CPAMD8: variants seen among roughly 807,000 people sequenced by gnomAD.
CPAMD8 encodes C3 and PZP-like alpha-2-macroglobulin domain-containing protein 8.
CPAMD8 carries 146 observed loss-of-function variants against 224.7 expected under a neutral mutation model. The ratio of observed to expected loss-of-function variants is 0.65; its 90% CI spans 0.57 to 0.75. The LOEUF is 0.75. Among genes scored for constraint, CPAMD8 ranks in the 30% least tolerant of loss-of-function variants. The pLI is 0.00. For missense variants in CPAMD8, 2,301 were observed against 2,537.5 expected, an observed-to-expected ratio of 0.91 and a Z score of 2.00; for synonymous variants, 966 against 1,044.6, an observed-to-expected ratio of 0.92 and a Z score of 1.45.
intron 30 of CPAMD8, among the ~76,000 whole-genome samples, chr19:16,906,370 CTTTCTTT>C (rs1467735269): frequency 1.5e-4 from 14 of 90,764 alleles, no homozygotes; most frequent in African/African-American, 6.6e-4. Flanking sequence ...TTCTTTCTTT[CTTTCTTT>C]CTTTCTTTCT....
At chr19:16,897,822 G>T in intron 38 of CPAMD8, 21 bp from the exon 39 acceptor site, 2 of 1,573,492 alleles carry the variant, frequency 1.3e-6, no homozygotes, top group Non-Finnish European at 1.7e-6. Flanking sequence ...AGGGTGGCGG[G>T]TGACCAAGTG....
intron 6 of CPAMD8, among the ~76,000 whole-genome samples, chr19:17,009,010 C>T (rs1392933064): frequency 6.6e-6 from 1 of 151,840 alleles, no homozygotes; most frequent in Non-Finnish European, 1.5e-5. Context: ...GAAGGAGAAT[C>T]GCTTGAACCC....
chr19:17,000,790 T>C (rs1455819057), intron 9 of CPAMD8, among the ~76,000 whole-genome samples: 1 of 152,162 alleles, frequency 6.6e-6, no homozygotes, highest in African/African-American at 2.4e-5. Context: ...CTGAGAAGGC[T>C]AGGTTGGTGC....
In CPAMD8 at chr19:16,980,421, C is replaced by T. The variant is rs1599838724; in HGVS notation, c.1585+76G>A. The T allele has an allele frequency of 6.9e-6, 10 of 1,445,840 alleles. No individual in the cohort carries two copies. The South Asian group carries it at 1.0e-4, about 14-fold the overall frequency. The allele number at this position is 1,445,840 out of a possible 1,614,324, so 89.6% of individuals were successfully genotyped here. A position where few individuals can be genotyped will look rare whatever the true frequency, so the allele number is the denominator to read the frequency against. On this transcript the variant is annotated intron_variant, in intron 14 of 41. Transcript: ENST00000443236. ...CTCTGCTGGGTCTTGCCTTGTCCCT[C>T]CTTGCAGGAGCACCCATCTCAGTCT...
At chr19:16,979,380 G>GTCCATTCA (rs1169912305) in intron 14 of CPAMD8, among the ~76,000 whole-genome samples, 2 of 78,670 alleles carry the variant, frequency 2.5e-5, no homozygotes, top group Non-Finnish European at 4.7e-5. Flanking sequence ...CCATCCATCT[G>GTCCATTCA]TCCATTCATC....
At position 16,903,848 on chromosome 19, in the gene CPAMD8, C is replaced by T. The variant is rs151104169; in HGVS notation, c.4261G>A (p.Val1421Met). The T allele has an allele frequency of 1.0e-4, 165 of 1,613,540 alleles. 2 individuals are homozygous for T. In the East Asian group the frequency reaches 2.0e-3, roughly 20 times the overall value. The change falls in exon 33 of 42, where the codon GTG (valine) becomes ATG (methionine). Residue 1421 changes from valine (V) to methionine (M), a missense_variant. Physicochemically the swap from Val to Met is conservative, Grantham distance 21. Coordinates refer to ENST00000443236, the MANE Select transcript of CPAMD8 (RefSeq NM_015692.5). The stretch of plus-strand genomic sequence containing the variant: ...TATTCAGCCAAGGCCTGCAGAGCCA[C>T]GCAGGTGTCCTGGGGATGGAGGAGG... Reference protein sequence around the residue: ...GGFSSTQDTCVALQALAEYAI... With the variant: ...GGFSSTQDTCMALQALAEYAI...
intron 21 of CPAMD8, among the ~76,000 whole-genome samples, chr19:16,946,656 G>A (rs1306147554): frequency 6.8e-6 from 1 of 147,498 alleles, no homozygotes; most frequent in Non-Finnish European, 1.5e-5. Flanking sequence ...ACATGTGTGT[G>A]GATTTGTGTG....
Position 16,907,112 on chromosome 19 carries a change from C to T in CPAMD8, c.3867G>A (p.Glu1289=), listed in dbSNP as rs2052549774. The T allele has an allele frequency of 6.4e-7, 1 of 1,557,558 alleles. No individual in the cohort carries two copies. The highest frequency in any genetic ancestry group is 1.4e-5 in the African/African-American group (1 of 73,672). ...GCCTCGCTTTGTCAGTGGAGCCTCT[C>T]TCCTCCTGCAGGGTGGGGTGGGAAG... ...LLETGTASEE[E]RGSTDKARHF... The change falls in exon 30 of 42, where the codon GAG becomes GAA. Residue 1289 remains glutamate (E), a synonymous_variant. Transcript: ENST00000443236.
intron 23 of CPAMD8, among the ~76,000 whole-genome samples, chr19:16,934,800 G>A (rs558916095): frequency 6.6e-6 from 1 of 152,136 alleles, no homozygotes; most frequent in South Asian, 2.1e-4. Context: ...TTTAATTGTG[G>A]TAAAATATAT....
At position 16,949,022 on chromosome 19, in the gene CPAMD8, AAAG is replaced by A. The variant is rs1304288090; in HGVS notation, c.2509-1798_2509-1796del. Among the ~76,000 whole-genome samples, 4 of 139,298 alleles carry A rather than the reference AAAG, an allele frequency of 2.9e-5. No individual in the cohort carries two copies. The South Asian group carries it at 8.1e-4, about 28-fold the overall frequency. 91.4% of individuals were successfully genotyped at this position (139,298 alleles called of 152,430 possible). On this transcript the variant is annotated intron_variant, in intron 20 of 41. Transcript: ENST00000443236. ...AGAGAGAAAAGAAAAGAAAGAAAGA[AAAG>A]AAAGAAAGAAGGAAGGAAGGACGGG...
At chr19:16,924,887 CTCTTT>C (rs1326265650) in intron 26 of CPAMD8, among the ~76,000 whole-genome samples, 1 of 151,372 alleles carries the variant, frequency 6.6e-6, no homozygotes, top group African/African-American at 2.5e-5. Context: ...GCCTGGCCTT[CTCTTT>C]TATTTTCTAA....
intron 30 of CPAMD8, among the ~76,000 whole-genome samples, chr19:16,905,719 GA>G (rs2052451863): frequency 6.6e-6 from 1 of 152,178 alleles, no homozygotes; most frequent in East Asian, 1.9e-4. Context: ...CGGAAGCAAT[GA>G]AAACAATTCT....
intron 10 of CPAMD8, among the ~76,000 whole-genome samples, chr19:16,997,800 C>A (rs1599874285): frequency 6.6e-6 from 1 of 151,858 alleles, no homozygotes. Flanking sequence ...TGAGGTGAGC[C>A]TGAATTGTGC....
intron 18 of CPAMD8, among the ~76,000 whole-genome samples, chr19:16,960,309 A>G (rs2054610480): frequency 6.6e-6 from 1 of 152,204 alleles, no homozygotes; most frequent in African/African-American, 2.4e-5. Context: ...CCCCGGAAAC[A>G]CCCGCAGACG....
At chr19:16,937,063 G>T (rs111350233) in intron 23 of CPAMD8, among the ~76,000 whole-genome samples, 13 of 132,156 alleles carry the variant, frequency 9.8e-5, no homozygotes, top group African/African-American at 2.3e-4. Flanking sequence ...CTTCCCTCCT[G>T]CCTTCCTTCC....
chr19:16,996,045 G>A (rs2056113008), intron 11 of CPAMD8, among the ~76,000 whole-genome samples: 1 of 152,164 alleles, frequency 6.6e-6, no homozygotes, highest in African/African-American at 2.4e-5. Context: ...AGCTACTCTG[G>A]AGGCTGAGGC....
intron 7 of CPAMD8, 86 bp downstream of exon 7, chr19:17,008,419 G>A (rs2056551668): frequency 6.6e-7 from 1 of 1,505,018 alleles, no homozygotes; most frequent in South Asian, 1.2e-5. Flanking sequence ...GGGTACATTA[G>A]CGGTGGGCCC....
chr19:16,926,164 G>T (rs1167883474), intron 25 of CPAMD8, among the ~76,000 whole-genome samples: 2 of 151,790 alleles, frequency 1.3e-5, no homozygotes, highest in African/African-American at 4.8e-5. Context: ...GCATTTTTCA[G>T]TTTTCTCTCT....
At chr19:16,942,949 A>G (rs1291826388) in intron 22 of CPAMD8, among the ~76,000 whole-genome samples, 1 of 151,280 alleles carries the variant, frequency 6.6e-6, no homozygotes, top group African/African-American at 2.4e-5. Flanking sequence ...TGGGCATTTC[A>G]TATAAATTGA....
Sources: gnomAD v4.1 joint callset for allele counts (sites outside exome capture counted in the v4.1 genomes callset) on GRCh38, gnomAD v4.1.1 for gene constraint, MANE v1.5 for transcripts, NCBI Gene and HGNC (gene_info 2026-07-23, HGNC 2026-07-21) for gene names.